The following LRRC37A2 variants were observed in gnomAD, a reference collection of about 807,000 sequenced individuals.
The protein encoded by LRRC37A2 is leucine-rich repeat-containing protein 37A2.
A neutral mutation model predicts 68.8 loss-of-function variants in LRRC37A2; 9 were observed. The observed-to-expected ratio is 0.13, with a 90% CI of 0.08 to 0.23. LRRC37A2 has a LOEUF of 0.23. LRRC37A2 is among the 10% of genes least tolerant of loss of function. LRRC37A2 has a pLI of 1.00. For synonymous variants in LRRC37A2, 63 were observed against 367.6 expected, an observed-to-expected ratio of 0.17 and a Z score of 9.48; for missense variants, 168 against 950.4, an observed-to-expected ratio of 0.18 and a Z score of 10.82.
chr17:46,469,799 A>G, the LRRC37A2 span, among the ~76,000 whole-genome samples: 3 of 62,268 alleles, frequency 4.8e-5, no homozygotes, highest in African/African-American at 1.7e-4. Context: ...CTTCCACCCT[A>G]CATGCAAGCA....
chr17:46,497,136 TG>T, the LRRC37A2 span, among the ~76,000 whole-genome samples: 1 of 125,962 alleles, frequency 7.9e-6, no homozygotes, highest in Non-Finnish European at 1.7e-5. Context: ...TCAAGCCACC[TG>T]CCCACCTCAA....
chr17:46,940,088 A>T, the LRRC37A2 span: 1 of 1,131,966 alleles, frequency 8.8e-7, no homozygotes. Flanking sequence ...CTTCTGTCTT[A>T]TTTCCCTTCC....
the LRRC37A2 span, among the ~76,000 whole-genome samples, chr17:47,038,987 CCCAA>C: frequency 2.1e-5 from 3 of 145,824 alleles, no homozygotes; most frequent in Non-Finnish European, 4.5e-5. Flanking sequence ...AGCCACTGCG[CCCAA>C]CCAGTGCTTT....
chr17:46,738,221 A>G, the LRRC37A2 span, among the ~76,000 whole-genome samples: 1 of 152,138 alleles, frequency 6.6e-6, no homozygotes, highest in Non-Finnish European at 1.5e-5. Flanking sequence ...GGTGTGAGCC[A>G]TTACACCCAG....
the LRRC37A2 span, among the ~76,000 whole-genome samples, chr17:46,864,388 C>A: frequency 6.6e-6 from 1 of 152,210 alleles, no homozygotes; most frequent in African/African-American, 2.4e-5. Context: ...TTTGAACTTC[C>A]CTCTATCTAG....
intron 6 of LRRC37A2, among the ~76,000 whole-genome samples, chr17:46,539,768 CAAAAAAAAAAAA>C (rs1204528686): frequency 1.5e-5 from 1 of 67,036 alleles, no homozygotes; most frequent in African/African-American, 7.4e-5. Flanking sequence ...GACTCCATCT[CAAAAAAAAAAAA>C]AAAAAAAAAA....
At chr17:46,874,856 G>A in the LRRC37A2 span, 2 of 633,780 alleles carry the variant, frequency 3.2e-6, no homozygotes, top group African/African-American at 1.8e-5. Flanking sequence ...GGGATTAGGG[G>A]CACGAGCCAC....
chr17:46,930,810 A>T, the LRRC37A2 span: 8 of 366,020 alleles, frequency 2.2e-5, no homozygotes, highest in Non-Finnish European at 3.0e-5. Flanking sequence ...CAACCTTTGC[A>T]TGTTTATTTT....
chr17:46,850,337 T>C, the LRRC37A2 span, among the ~76,000 whole-genome samples: 2 of 152,188 alleles, frequency 1.3e-5, no homozygotes, highest in African/African-American at 2.4e-5. Context: ...CATCAGATCA[T>C]GTAATCACTG....
At chr17:46,631,061 T>TACACACACACACACACACACACACACAC in the LRRC37A2 span, among the ~76,000 whole-genome samples, 7 of 122,848 alleles carry the variant, frequency 5.7e-5, no homozygotes, top group Non-Finnish European at 1.1e-4. Context: ...TCTCTCTCTG[T>TACACACACACACACACACACACACACAC]ACACACACAC....
At chr17:46,842,296 G>T in the LRRC37A2 span, among the ~76,000 whole-genome samples, 1 of 152,234 alleles carries the variant, frequency 6.6e-6, no homozygotes, top group Non-Finnish European at 1.5e-5. Flanking sequence ...ATATGCCGCT[G>T]CTGCACACCC....
At chr17:46,923,256 C>A in the LRRC37A2 span, 1 of 1,550,514 alleles carries the variant, frequency 6.4e-7, no homozygotes, top group South Asian at 1.2e-5. Flanking sequence ...AGGGGCTAGA[C>A]GAGGCGAGGC....
At chr17:47,004,236 A>C in the LRRC37A2 span, among the ~76,000 whole-genome samples, 1 of 152,246 alleles carries the variant, frequency 6.6e-6, no homozygotes, top group Non-Finnish European at 1.5e-5. Flanking sequence ...GTATATACCC[A>C]GTAATGGGAT....
chr17:46,962,328 C>A, the LRRC37A2 span, among the ~76,000 whole-genome samples: 67 of 139,342 alleles, frequency 4.8e-4, no homozygotes, highest in South Asian at 4.7e-4. Flanking sequence ...GACTCCATCT[C>A]AAAAAAAAAA....
chr17:46,795,233 C>T, the LRRC37A2 span, among the ~76,000 whole-genome samples: 64 of 152,126 alleles, frequency 4.2e-4, no homozygotes, highest in African/African-American at 1.3e-3. Flanking sequence ...AATGTGCATC[C>T]GAAACCTCCT....
chr17:46,884,345 C>T, the LRRC37A2 span, among the ~76,000 whole-genome samples: 2 of 152,160 alleles, frequency 1.3e-5, no homozygotes, highest in Admixed American at 6.5e-5. Context: ...GTCAGAGCTG[C>T]GCAGGTGTTG....
chr17:46,954,158 T>C, the LRRC37A2 span, among the ~76,000 whole-genome samples: 1 of 152,264 alleles, frequency 6.6e-6, no homozygotes, highest in Non-Finnish European at 1.5e-5. Flanking sequence ...CTAGGGTTTT[T>C]ATGGTTTTAG....
chr17:46,938,694 C>T, the LRRC37A2 span: 1 of 1,613,706 alleles, frequency 6.2e-7, no homozygotes, highest in South Asian at 1.1e-5. Flanking sequence ...AGGACAAGTA[C>T]TTTATGATAG....
the LRRC37A2 span, among the ~76,000 whole-genome samples, chr17:46,816,809 C>A: frequency 6.6e-6 from 1 of 152,206 alleles, no homozygotes; most frequent in African/African-American, 2.4e-5. Flanking sequence ...CCTCCCCCAA[C>A]CCACCAGAGT....
Sources: gnomAD v4.1 joint callset for allele counts (sites outside exome capture counted in the v4.1 genomes callset) on GRCh38, gnomAD v4.1.1 for gene constraint, MANE v1.5 for transcripts, NCBI Gene and HGNC (gene_info 2026-07-23, HGNC 2026-07-21) for gene names.